MEGF9: variants seen among roughly 807,000 people sequenced by gnomAD.
The protein encoded by MEGF9 is multiple epidermal growth factor-like domains protein 9.
MEGF9 carries 6 observed loss-of-function variants against 46.8 expected under a neutral mutation model. The observed-to-expected ratio is 0.13, with a 90% confidence interval of 0.07 to 0.25. The LOEUF (loss-of-function observed/expected upper bound fraction) is 0.25, where lower values mean the gene tolerates loss of function less well. Among genes scored for constraint, MEGF9 ranks in the 10% least tolerant of loss-of-function variants. The pLI, the probability that MEGF9 is intolerant of heterozygous loss-of-function variation, is 1.00. For synonymous variants in MEGF9, 302 were observed against 330.7 expected (o/e 0.91, Z 0.94); for missense variants, 683 against 792.4 (o/e 0.86, Z 1.66).
chr9:120,709,536 G>C (rs2043943416), intron 1 of MEGF9, among the ~76,000 whole-genome samples: 1 of 152,078 alleles, frequency 6.6e-6, no homozygotes, highest in Admixed American at 6.5e-5. Flanking sequence ...AGACAGAGAG[G>C]GATCATGATC....
intron 2 of MEGF9, among the ~76,000 whole-genome samples, chr9:120,653,326 T>C (rs1422097162): frequency 6.6e-6 from 1 of 152,152 alleles, no homozygotes; most frequent in East Asian, 1.9e-4. Context: ...ATACACTACT[T>C]GTTCTGACAA....
At chr9:120,640,114 G>A (rs967985911) in intron 2 of MEGF9, among the ~76,000 whole-genome samples, 81 of 152,194 alleles carry the variant, frequency 5.3e-4, no homozygotes, top group African/African-American at 1.9e-3. Flanking sequence ...GGAAAATATA[G>A]ATAAATCAAA....
chr9:120,708,702 G>A (rs950728569), intron 1 of MEGF9, among the ~76,000 whole-genome samples: 1 of 152,090 alleles, frequency 6.6e-6, no homozygotes, highest in Non-Finnish European at 1.5e-5. Flanking sequence ...TAACTTGTCC[G>A]TAGACTCTGT....
At chr9:120,663,066 G>A (rs1156490689) in intron 1 of MEGF9, among the ~76,000 whole-genome samples, 1 of 152,120 alleles carries the variant, frequency 6.6e-6, no homozygotes, top group East Asian at 1.9e-4. Context: ...TCTGTAGCAG[G>A]GTGAATGGCA....
chr9:120,623,525 A>T (rs2043510908), intron 2 of MEGF9, among the ~76,000 whole-genome samples: 1 of 152,232 alleles, frequency 6.6e-6, no homozygotes, highest in South Asian at 2.1e-4. Flanking sequence ...AGCTTAAATA[A>T]AATTTGTACT....
chr9:120,625,513 G>A (rs902034334), intron 2 of MEGF9, among the ~76,000 whole-genome samples: 8 of 151,618 alleles, frequency 5.3e-5, no homozygotes, highest in African/African-American at 1.9e-4. Flanking sequence ...CAGCCTGGGC[G>A]ACACAGGGAG....
At chr9:120,698,525 T>C (rs2043889083) in intron 1 of MEGF9, among the ~76,000 whole-genome samples, 2 of 152,216 alleles carry the variant, frequency 1.3e-5, no homozygotes, top group South Asian at 4.1e-4. Flanking sequence ...AGAGAGTTGA[T>C]CTGTGACAAT....
chr9:120,609,882 ATTCCT>A (rs1302085042), intron 4 of MEGF9, among the ~76,000 whole-genome samples: 2 of 152,148 alleles, frequency 1.3e-5, no homozygotes, highest in Non-Finnish European at 2.9e-5. Context: ...AGAAAAACGA[ATTCCT>A]TTCATCTTTC....
intron 1 of MEGF9, among the ~76,000 whole-genome samples, chr9:120,701,864 G>C (rs1369222343): frequency 6.6e-6 from 1 of 152,036 alleles, no homozygotes; most frequent in Non-Finnish European, 1.5e-5. Flanking sequence ...CTAATATGCT[G>C]AAACCCCGTC....
At chr9:120,617,794 A>G (rs1479719180) in intron 3 of MEGF9, among the ~76,000 whole-genome samples, 1 of 152,198 alleles carries the variant, frequency 6.6e-6, no homozygotes, top group Non-Finnish European at 1.5e-5. Flanking sequence ...GGCAAGGATG[A>G]TGCAATAAAA....
chr9:120,670,893 G>A (rs2043746098), intron 1 of MEGF9, among the ~76,000 whole-genome samples: 1 of 152,108 alleles, frequency 6.6e-6, no homozygotes, highest in African/African-American at 2.4e-5. Context: ...ACAATTCTCT[G>A]TTTAGTCTCC....
intron 1 of MEGF9, among the ~76,000 whole-genome samples, chr9:120,694,275 CT>C (rs2132339770): frequency 6.6e-6 from 1 of 152,286 alleles, no homozygotes; most frequent in South Asian, 2.1e-4. Context: ...TGGCTGTGAC[CT>C]TTGGGCAAAC....
chr9:120,673,312 A>G (rs7870158), intron 1 of MEGF9, among the ~76,000 whole-genome samples: 3,600 of 152,246 alleles, frequency 0.024, 148 homozygotes, highest in African/African-American at 0.083. Context: ...AGGATTTTTT[A>G]TAGATATTAA....
chr9:120,680,865 G>C (rs979526242), intron 1 of MEGF9, among the ~76,000 whole-genome samples: 1 of 152,000 alleles, frequency 6.6e-6, no homozygotes, highest in African/African-American at 2.4e-5. Flanking sequence ...AAGGCCCAAG[G>C]GCTCTTCCAT....
chr9:120,652,145 C>T (rs1202908098), intron 2 of MEGF9, among the ~76,000 whole-genome samples: 2 of 14,546 alleles, frequency 1.4e-4, no homozygotes, highest in Non-Finnish European at 2.9e-4. Flanking sequence ...CAAACAAGCA[C>T]ACACACACAC....
Position 120,605,644 on chromosome 9 carries a change from G to C in MEGF9, c.1358-3C>G. The C allele has an allele frequency of 6.5e-7, 1 of 1,529,264 alleles. No individual in the cohort carries two copies. The highest frequency in any genetic ancestry group is 8.8e-7 in the Non-Finnish European group (1 of 1,136,760). 94.7% of individuals were successfully genotyped at this position (1,529,264 alleles called of 1,614,324 possible). On this transcript the variant is annotated splice_polypyrimidine_tract_variant and splice_region_variant and intron_variant, in intron 5 of 5. Coordinates refer to ENST00000373930, the MANE Select transcript of MEGF9 (RefSeq NM_001080497.3). This position sits in a 1 kb window ranked among gnomAD's most constrained non-coding sequence, Gnocchi z 4.0. ...TTCAGGTGTTGGAAGAATAACTTCT[G>C]AAAATAAAAACAGAGAATGAAATGT... is the stretch of plus-strand genomic sequence containing the variant.
chr9:120,631,407 T>G (rs2043550013), intron 2 of MEGF9, among the ~76,000 whole-genome samples: 2 of 152,170 alleles, frequency 1.3e-5, no homozygotes, highest in African/African-American at 4.8e-5. Flanking sequence ...AGTCCAGCAG[T>G]GTGTTGCCTC....
intron 1 of MEGF9, among the ~76,000 whole-genome samples, chr9:120,703,088 T>G (rs59245832): frequency 0.016 from 2,422 of 152,286 alleles, 62 homozygotes; most frequent in African/African-American, 0.055. Flanking sequence ...AAACAAAAAA[T>G]GAATCATTAA....
intron 4 of MEGF9, among the ~76,000 whole-genome samples, chr9:120,609,937 T>C (rs1376550002): frequency 6.6e-6 from 1 of 152,182 alleles, no homozygotes; most frequent in Non-Finnish European, 1.5e-5. Context: ...ATAATTTATA[T>C]ACCGTAACAT....
Sources: gnomAD v4.1 joint callset for allele counts (sites outside exome capture counted in the v4.1 genomes callset) on GRCh38, gnomAD v4.1.1 for gene constraint, Gnocchi (gnomAD v3.1) non-coding constraint, MANE v1.5 for transcripts, NCBI Gene and HGNC (gene_info 2026-07-23, HGNC 2026-07-21) for gene names.